The following AATK variants were observed in gnomAD, a reference collection of about 807,000 sequenced individuals.
The protein encoded by AATK is lemur tail kinase 1, also known as serine/threonine-protein kinase LMTK1.
AATK carries 91 observed loss-of-function variants against 114.3 expected under a neutral mutation model. The observed-to-expected ratio is 0.80, with a 90% CI of 0.67 to 0.95. AATK has a LOEUF of 0.95. AATK is among the 40% of genes least tolerant of loss of function. The pLI is 0.00. For missense variants in AATK, 2,176 were observed against 1,965.2 expected (o/e 1.11, Z -2.03); for synonymous variants, 1,075 against 916.5 (o/e 1.17, Z -3.12).
intron 13 of AATK, among the ~76,000 whole-genome samples, chr17:81,119,147 AGGGTCAGGTGAGGGTCAGGTG>A (rs1568215428): frequency 3.8e-4 from 6 of 15,960 alleles, no homozygotes; most frequent in Admixed American, 2.0e-3. Flanking sequence ...GGGCCAGGTG[AGGGTCAGGTGAGGGTCAGGTG>A]AGGGTCAGGT....
chr17:81,119,983 C>T lies in AATK; in HGVS notation c.3836G>A (p.Arg1279Gln), dbSNP rs1378002346. 8 of 1,446,732 alleles carry T rather than the reference C, an allele frequency of 5.5e-6. No homozygotes were observed. Among genetic ancestry groups the T allele is most frequent in the African/African-American group, 1.5e-5 (1 of 67,782 alleles). The allele number at this position is 1,446,732 out of a possible 1,614,324, so 89.6% of individuals were successfully genotyped here. A position where few individuals can be genotyped will look rare whatever the true frequency, so the allele number is the denominator to read the frequency against. The change falls in exon 12 of 14, where the codon CGG becomes CAG. Residue 1279 changes from arginine to glutamine, a missense_variant. Around this residue, in one of 4 missense-constraint regions of AATK, gnomAD observed 1,701 missense variants for 1,394.7 expected, o/e 1.22. Coordinates refer to ENST00000326724, the MANE Select transcript of AATK (RefSeq NM_001080395.3). ...GSPGSPSAPNRPQQADGSPNG... is the reference protein window; with the variant it reads ...GSPGSPSAPNQPQQADGSPNG... ...TGGGGAGCCATCAGCCTGCTGCGGC[C>T]GGTTGGGGGCGCTGGGAGAGCCGGG...
chr17:81,121,479 G>C lies in AATK; in HGVS notation c.2457C>G (p.Ala819=). The C allele has an allele frequency of 6.4e-7, 1 of 1,569,438 alleles. No individual in the cohort carries two copies. Among genetic ancestry groups the C allele is most frequent in the South Asian group, 1.2e-5 (1 of 84,372 alleles). The part of the protein sequence containing the change: ...LPSEEASAPD[A]PDALPDSPTP... ...TGGGAGAGTCAGGCAGGGCATCAGG[G>C]GCGTCGGGGGCACTGGCCTCCTCCG... The change falls in exon 11 of 14, where the codon GCC becomes GCG. Residue 819 remains alanine, a synonymous_variant. Transcript: ENST00000326724.
chr17:81,131,740 C>A (rs999572149), intron 2 of AATK, among the ~76,000 whole-genome samples: 1 of 152,166 alleles, frequency 6.6e-6, no homozygotes, highest in African/African-American at 2.4e-5. Flanking sequence ...TGGGGTCCCA[C>A]CCTCCCATGG....
rs747388243 is a variant in AATK at position 81,122,056 on chromosome 17, G to A, written c.1880C>T (p.Ala627Val). The A allele has an allele frequency of 1.9e-6, 3 of 1,594,612 alleles. No homozygotes were observed. The highest frequency in any genetic ancestry group is 1.7e-4 in the Middle Eastern group (1 of 5,988). The change falls in exon 11 of 14, where the codon GCA (alanine) becomes GTA (valine). Residue 627 changes from alanine (A) to valine (V), a missense_variant. Physicochemically the swap from Ala to Val is moderately conservative, Grantham distance 64. This residue lies in a region of AATK where 1,701 missense variants were observed against 1,394.7 expected (regional missense o/e 1.22). Coordinates refer to ENST00000326724, the MANE Select transcript of AATK (RefSeq NM_001080395.3). ...ACAGAAGGCGGCCACGCCCCAGTCT[G>A]CATCCTCCGCTCCTCCCTCCGCCAG... ...LSLAEGGAED[A>V]DWGVAAFCPA...
chr17:81,166,154 G>C lies in AATK; in HGVS notation c.-162C>G, dbSNP rs1229717557. ...CCGCAGCCGCAGAGCCCGCACCGGT[G>C]GGGGCGGCGGCGACAGACGAGGCGC... On this transcript the variant is annotated 5_prime_UTR_variant, in exon 1 of 14. Coordinates refer to ENST00000326724, the MANE Select transcript of AATK (RefSeq NM_001080395.3). 8.0e-6 allele frequency: 2 copies of C among 250,830 alleles called. No individual in the cohort carries two copies. Among genetic ancestry groups the C allele is most frequent in the Admixed American group, 6.8e-5 (1 of 14,706 alleles). 15.5% of individuals were successfully genotyped at this position (250,830 alleles called of 1,614,324 possible).
chr17:81,118,496 T>C, intron 13 of AATK, 54 bp from the exon 14 acceptor site: 2 of 1,573,394 alleles, frequency 1.3e-6, no homozygotes, highest in Non-Finnish European at 1.7e-6. Flanking sequence ...CAGGGCTGCC[T>C]CCCCCGCAAC....
Position 81,134,461 on chromosome 17 carries a change from G to A in AATK, c.96C>T (p.Leu32=), listed in dbSNP as rs1158339482. 1.5e-5 allele frequency: 25 copies of A among 1,613,132 alleles called. No individual in the cohort carries two copies. Among genetic ancestry groups the A allele is most frequent in the Admixed American group, 5.0e-5 (3 of 59,996 alleles). The change falls in exon 2 of 14, where the codon CTC becomes CTT. Residue 32 remains leucine, a synonymous_variant. Transcript: ENST00000326724. The part of the protein sequence containing the change: ...PLSELSWPSS[L]AVVAVSFSGL... ...CGGAGAAAGACACAGCCACCACGGCGAGGGAGGATGGCCAGGACAGCTCGC... is the reference window on the plus strand; with the variant it reads ...CGGAGAAAGACACAGCCACCACGGCAAGGGAGGATGGCCAGGACAGCTCGC...
intron 2 of AATK, chr17:81,133,284 G>A (rs376611669): frequency 1.3e-4 from 61 of 460,448 alleles, no homozygotes; most frequent in African/African-American, 1.1e-3. Flanking sequence ...ATCCAGCACC[G>A]TCACCTGCCA....
At chr17:81,165,908 G>A (rs376056569) in intron 1 of AATK, 30 bp downstream of exon 1, 9 of 1,565,180 alleles carry the variant, frequency 5.8e-6, no homozygotes, top group East Asian at 2.4e-5. Context: ...GGGAGGCAGC[G>A]GCGCGCAGGC....
chr17:81,118,389 A>C lies in AATK; in HGVS notation c.*13T>G. The C allele has an allele frequency of 6.2e-7, 1 of 1,603,192 alleles. No individual in the cohort carries two copies. The highest frequency in any genetic ancestry group is 8.5e-7 in the Non-Finnish European group (1 of 1,175,880). Reference sequence around the variant, plus strand: ...GGTGACGCCAGCCTTGAGGGGCAGGAGCTGCCCAGGTCTCAAGCCTCTTTA... The same window carrying C: ...GGTGACGCCAGCCTTGAGGGGCAGGCGCTGCCCAGGTCTCAAGCCTCTTTA... On this transcript the variant is annotated 3_prime_UTR_variant, in exon 14 of 14. Transcript: ENST00000326724.
intron 1 of AATK, among the ~76,000 whole-genome samples, chr17:81,138,312 C>G (rs1017074563): frequency 6.6e-6 from 1 of 150,528 alleles, no homozygotes; most frequent in Non-Finnish European, 1.5e-5. Context: ...CATATCCACA[C>G]ACGTGCACAC....
chr17:81,138,203 ACC>A (rs1184776863), intron 1 of AATK, among the ~76,000 whole-genome samples: 56 of 147,206 alleles, frequency 3.8e-4, no homozygotes, highest in Non-Finnish European at 7.3e-4. Flanking sequence ...ACACACACAC[ACC>A]CCCACATGCA....
Position 81,120,416 on chromosome 17 carries a change from C to T in AATK, c.3520G>A (p.Glu1174Lys), listed in dbSNP as rs564244999. The change falls in exon 11 of 14, where the codon GAG becomes AAG. Residue 1174 changes from glutamate to lysine, a missense_variant. Glu to Lys is a moderately conservative substitution (Grantham distance 56). Coordinates refer to ENST00000326724, the MANE Select transcript of AATK (RefSeq NM_001080395.3). The part of the protein sequence containing the change: ...DSEDSDESDE[E>K]LRCYSVQEPS... ...TCCTGGACGCTGTAGCAGCGGAGCT[C>T]CTCGTCAGACTCGTCGCTGTCCTCA... 34 of 1,590,328 alleles carry T rather than the reference C, an allele frequency of 2.1e-5. No individual in the cohort carries two copies. The highest frequency in any genetic ancestry group is 2.8e-5 in the Non-Finnish European group (33 of 1,165,962).
At chr17:81,137,189 C>T (rs886404299) in intron 1 of AATK, among the ~76,000 whole-genome samples, 27 of 150,602 alleles carry the variant, frequency 1.8e-4, no homozygotes, top group African/African-American at 5.6e-4. Context: ...ACCCAGGAGG[C>T]GGAGGCTGCA....
At chr17:81,154,616 G>GC (rs1416961909) in intron 1 of AATK, among the ~76,000 whole-genome samples, 20 of 113,610 alleles carry the variant, frequency 1.8e-4, no homozygotes, top group African/African-American at 6.3e-4. Context: ...ACCACACCCA[G>GC]CCTTTCCTAC....
At position 81,117,901 on chromosome 17, in the gene AATK, C is replaced by T. The variant is rs994943515; in HGVS notation, c.*501G>A. 6.5e-6 allele frequency: 1 copy of T among 154,236 alleles called. No individual in the cohort carries two copies. 9.6% of individuals were successfully genotyped at this position (154,236 alleles called of 1,614,324 possible). A position where few individuals can be genotyped will look rare whatever the true frequency, so the allele number is the denominator to read the frequency against. On this transcript the variant is annotated 3_prime_UTR_variant, in exon 14 of 14. Coordinates refer to ENST00000326724, the MANE Select transcript of AATK (RefSeq NM_001080395.3). Reference sequence around the variant, plus strand: ...CGGGCGCCCAGGGCCACTCCTTGCCCTGAGCCACCAGGAACCAGGCAAGGG... The same window carrying T: ...CGGGCGCCCAGGGCCACTCCTTGCCTTGAGCCACCAGGAACCAGGCAAGGG...
chr17:81,147,073 A>G (rs936653563), intron 1 of AATK, among the ~76,000 whole-genome samples: 2 of 151,444 alleles, frequency 1.3e-5, no homozygotes, highest in African/African-American at 2.4e-5. Context: ...TTATAAGAGC[A>G]AAAAAGAGGC....
At chr17:81,151,796 A>T (rs2061302532) in intron 1 of AATK, among the ~76,000 whole-genome samples, 1 of 152,208 alleles carries the variant, frequency 6.6e-6, no homozygotes, top group African/African-American at 2.4e-5. Context: ...TTTATTTGGA[A>T]ATTAAGTGTG....
intron 1 of AATK, among the ~76,000 whole-genome samples, chr17:81,141,566 G>C (rs1345688226): frequency 6.6e-6 from 1 of 152,218 alleles, no homozygotes; most frequent in Non-Finnish European, 1.5e-5. Flanking sequence ...CCTTCCAAGG[G>C]GCTCCCCAGC....
Sources: allele counts gnomAD v4.1 joint callset (sites outside exome capture counted in the v4.1 genomes callset), GRCh38; gene constraint gnomAD v4.1.1; regional missense constraint gnomAD v4.1.1; transcripts MANE v1.5; gene names NCBI Gene and HGNC (gene_info 2026-07-23, HGNC 2026-07-21).